CAMKMT: variants seen among roughly 807,000 people sequenced by gnomAD.
CAMKMT encodes the protein CaM KMT.
A neutral mutation model predicts 48.0 loss-of-function variants in CAMKMT; 53 were observed. That is an observed-to-expected ratio of 1.10 (90% confidence interval 0.89 to 1.39). The LOEUF (loss-of-function observed/expected upper bound fraction) is 1.39. Ranked by LOEUF, CAMKMT falls within the 40% of genes most tolerant of loss-of-function variation. The probability of loss-of-function intolerance (pLI) is 0.00; values close to 1 mark genes in which losing one functional copy is unlikely to be tolerated. For missense variants in CAMKMT, 428 were observed against 402.7 expected, an observed-to-expected ratio of 1.06 and a Z score of -0.54; for synonymous variants, 165 against 152.3, an observed-to-expected ratio of 1.08 and a Z score of -0.61.
chr2:44,725,284 A>G (rs1233035715), intron 7 of CAMKMT, among the ~76,000 whole-genome samples: 1 of 151,936 alleles, frequency 6.6e-6, no homozygotes, highest in Non-Finnish European at 1.5e-5. Flanking sequence ...TGCCTAAAAT[A>G]TTTTACTAAG....
At chr2:44,513,534 A>G (rs1197811267) in intron 3 of CAMKMT, among the ~76,000 whole-genome samples, 3 of 152,098 alleles carry the variant, frequency 2.0e-5, no homozygotes, top group Non-Finnish European at 4.4e-5. Flanking sequence ...GCTCCTTCCC[A>G]TGTTTGGACT....
chr2:44,679,186 A>G (rs1675881000), intron 3 of CAMKMT, among the ~76,000 whole-genome samples: 1 of 152,150 alleles, frequency 6.6e-6, no homozygotes, highest in Non-Finnish European at 1.5e-5. Context: ...CTGTGGGTGA[A>G]TCAATGCTTG....
chr2:44,701,984 TG>T (rs756651411), intron 3 of CAMKMT, among the ~76,000 whole-genome samples: 7 of 151,444 alleles, frequency 4.6e-5, no homozygotes, highest in Non-Finnish European at 8.8e-5. Context: ...TTTTTTACTT[TG>T]TTCTTTGTAT....
intron 3 of CAMKMT, among the ~76,000 whole-genome samples, chr2:44,446,034 G>C (rs1179075468): frequency 1.3e-5 from 2 of 152,028 alleles, no homozygotes; most frequent in African/African-American, 4.8e-5. Context: ...TTCTTTAGAG[G>C]GGGGAATGTG....
chr2:44,756,139 C>T (rs1680368225), intron 9 of CAMKMT, among the ~76,000 whole-genome samples: 1 of 152,218 alleles, frequency 6.6e-6, no homozygotes, highest in African/African-American at 2.4e-5. Flanking sequence ...CCCTGAGCCT[C>T]CACCCAAATG....
intron 3 of CAMKMT, among the ~76,000 whole-genome samples, chr2:44,647,643 C>T (rs1285362151): frequency 6.6e-6 from 1 of 152,058 alleles, no homozygotes; most frequent in Non-Finnish European, 1.5e-5. Context: ...CAGTGGCTCA[C>T]ACCTGTAATC....
At chr2:44,521,762 G>C (rs1243459101) in intron 3 of CAMKMT, among the ~76,000 whole-genome samples, 1 of 152,154 alleles carries the variant, frequency 6.6e-6, no homozygotes, top group Non-Finnish European at 1.5e-5. Context: ...GACTGAGATG[G>C]GAGTATCCCT....
intron 3 of CAMKMT, among the ~76,000 whole-genome samples, chr2:44,564,579 T>C (rs1442899675): frequency 6.6e-6 from 1 of 151,906 alleles, no homozygotes; most frequent in Non-Finnish European, 1.5e-5. Flanking sequence ...AGTTTTGCTC[T>C]TGTCACCCAG....
chr2:44,362,205 G>T (rs1677943453), intron 1 of CAMKMT, 60 bp downstream of exon 1: 1 of 1,355,336 alleles, frequency 7.4e-7, no homozygotes, highest in East Asian at 3.1e-5. Flanking sequence ...CACGTACCGG[G>T]GGAGCGACTG....
chr2:44,672,831 A>G (rs187524768), intron 3 of CAMKMT, among the ~76,000 whole-genome samples: 25 of 152,342 alleles, frequency 1.6e-4, no homozygotes, highest in African/African-American at 5.8e-4. Context: ...AGCCTAAGCA[A>G]TAACAGTGTT....
chr2:44,436,700 CAGT>C (rs1249226014), intron 3 of CAMKMT, among the ~76,000 whole-genome samples: 1 of 151,920 alleles, frequency 6.6e-6, no homozygotes, highest in Non-Finnish European at 1.5e-5. Flanking sequence ...AGGACTGTGT[CAGT>C]AAGCCCTATA....
rs116306803 is a variant in CAMKMT, at chr2:44,406,642, G to A, written c.376+16337G>A. ...GACAACGTCTCACTCTGTTGCCCAG[G>A]CTGGAATGCAGTGGCACCATCATGG... On this transcript the variant is annotated intron_variant, in intron 3 of 10. Coordinates refer to ENST00000378494, the MANE Select transcript of CAMKMT (RefSeq NM_024766.5). Among the ~76,000 whole-genome samples the A allele has an allele frequency of 3.8e-3, 578 of 152,220 alleles. 3 individuals carry two copies. The highest frequency in any genetic ancestry group is 0.013 in the African/African-American group (547 of 41,514).
chr2:44,743,446 A>G (rs1233910538), intron 7 of CAMKMT, among the ~76,000 whole-genome samples, 176 bp from the exon 8 acceptor site: 1 of 152,198 alleles, frequency 6.6e-6, no homozygotes, highest in East Asian at 1.9e-4. Flanking sequence ...TCTAGATTTG[A>G]ATACTAAATA....
chr2:44,760,818 C>G (rs1573246365), intron 9 of CAMKMT, among the ~76,000 whole-genome samples: 1 of 152,030 alleles, frequency 6.6e-6, no homozygotes, highest in Admixed American at 6.5e-5. Context: ...CCTCAGAGGT[C>G]CAGTGTGGAC....
chr2:44,594,030 T>C (rs1670494559), intron 3 of CAMKMT, among the ~76,000 whole-genome samples: 1 of 152,120 alleles, frequency 6.6e-6, no homozygotes, highest in Non-Finnish European at 1.5e-5. Flanking sequence ...CCAAAAGTGC[T>C]GGGATTACAG....
At chr2:44,661,589 A>G (rs1172522044) in intron 3 of CAMKMT, among the ~76,000 whole-genome samples, 2 of 152,148 alleles carry the variant, frequency 1.3e-5, no homozygotes, top group African/African-American at 4.8e-5. Context: ...CTATAAGACT[A>G]AGGATGGCAG....
chr2:44,391,284 A>G (rs1219146939), intron 3 of CAMKMT, among the ~76,000 whole-genome samples: 1 of 152,206 alleles, frequency 6.6e-6, no homozygotes, highest in Non-Finnish European at 1.5e-5. Flanking sequence ...TAAGGAATCT[A>G]TAAATGTCCT....
intron 3 of CAMKMT, among the ~76,000 whole-genome samples, chr2:44,565,958 G>A (rs1668593136): frequency 6.6e-6 from 1 of 152,174 alleles, no homozygotes; most frequent in South Asian, 2.1e-4. Context: ...TTGTGTAACC[G>A]CACATGCATG....
At chr2:44,572,210 A>T (rs909194960) in intron 3 of CAMKMT, among the ~76,000 whole-genome samples, 6 of 152,056 alleles carry the variant, frequency 3.9e-5, no homozygotes, top group South Asian at 4.1e-4. Flanking sequence ...TTTCTTTTTT[A>T]AAAAATTTAA....
Sources: allele counts gnomAD v4.1 joint callset (sites outside exome capture counted in the v4.1 genomes callset), GRCh38; gene constraint gnomAD v4.1.1; transcripts MANE v1.5; gene names NCBI Gene and HGNC (gene_info 2026-07-23, HGNC 2026-07-21).